The following PSMD7 variants were observed in gnomAD, a reference collection of about 807,000 sequenced individuals.
The protein encoded by PSMD7 is 26S proteasome non-ATPase regulatory subunit 7.
PSMD7 carries 13 observed loss-of-function variants against 36.4 expected under a neutral mutation model. The observed-to-expected ratio is 0.36, with a 90% CI of 0.23 to 0.57. The LOEUF (loss-of-function observed/expected upper bound fraction) is 0.57. Ranked by LOEUF, PSMD7 falls within the 20% of genes least tolerant of loss-of-function variation. The probability of loss-of-function intolerance (pLI) is 0.83; values close to 1 mark genes in which losing one functional copy is unlikely to be tolerated. For synonymous variants in PSMD7, 186 were observed against 151.0 expected, an observed-to-expected ratio of 1.23 and a Z score of -1.70; for missense variants, 298 against 393.6, an observed-to-expected ratio of 0.76 and a Z score of 2.06.
chr16:74,301,552 T>C lies in PSMD7; in HGVS notation c.260-3T>C, dbSNP rs1330269853. The stretch of plus-strand genomic sequence containing the variant: ...AAAGCCTGCTAATTTTTTTCCTTCC[T>C]AGCCAGGGAAAGAATAGTTGGCTGG... On this transcript the variant is annotated splice_region_variant and splice_polypyrimidine_tract_variant and intron_variant, in intron 3 of 6. Coordinates refer to ENST00000219313, the MANE Select transcript of PSMD7 (RefSeq NM_002811.5). The C allele has an allele frequency of 6.2e-7, 1 of 1,608,170 alleles. No individual in the cohort carries two copies. Among genetic ancestry groups the C allele is most frequent in the Admixed American group, 1.7e-5 (1 of 59,520 alleles).
At chr16:74,304,164 C>G (rs2034177457) in intron 5 of PSMD7, 139 bp from the exon 6 acceptor site, 3 of 694,984 alleles carry the variant, frequency 4.3e-6, no homozygotes, top group Non-Finnish European at 7.6e-6. Context: ...TAAGCCTTAC[C>G]CACCCTTGCC....
Position 74,305,319 on chromosome 16 carries a change from G to T in PSMD7, c.561G>T (p.Leu187=). The T allele has an allele frequency of 6.2e-7, 1 of 1,613,358 alleles. No homozygotes were observed. The highest frequency in any genetic ancestry group is 8.5e-7 in the Non-Finnish European group (1 of 1,179,754). The change falls in exon 7 of 7, where the codon CTG becomes CTT. Residue 187 remains leucine (L), a synonymous_variant. Coordinates refer to ENST00000219313, the MANE Select transcript of PSMD7 (RefSeq NM_002811.5). ...RDIKDTTVGT[L]SQRITNQVHG... ...TCAAAGACACGACGGTGGGCACTCT[G>T]TCCCAGCGGATCACAAACCAGGTCC...
intron 2 of PSMD7, chr16:74,300,562 T>C (rs2034147868): frequency 3.3e-6 from 1 of 300,426 alleles, no homozygotes; most frequent in African/African-American, 2.1e-5. Context: ...TTCTTATAGG[T>C]ACAGTAAGGA....
At position 74,297,416 on chromosome 16, in the gene PSMD7, G is replaced by A. The variant is rs552517727; in HGVS notation, c.74+428G>A. On this transcript the variant is annotated intron_variant, in intron 1 of 6. Coordinates refer to ENST00000219313, the MANE Select transcript of PSMD7 (RefSeq NM_002811.5). ...GATAAAGCCAGGGTGGGGCGGAGGC[G>A]GGCTAGCTTCATTTGGCTCTGACCC... Among the ~76,000 whole-genome samples the A allele has an allele frequency of 4.3e-4, 65 of 152,078 alleles. No individual in the cohort carries two copies. The South Asian group carries it at 0.013, about 30-fold the overall frequency.
chr16:74,305,657 G>C lies in PSMD7; in HGVS notation c.899G>C (p.Arg300Thr), dbSNP rs374062620. 8.4e-6 allele frequency: 13 copies of C among 1,548,296 alleles called. No individual in the cohort carries two copies. Among genetic ancestry groups the C allele is most frequent in the Non-Finnish European group, 1.0e-5 (12 of 1,144,352 alleles). The change falls in exon 7 of 7, where the codon AGG becomes ACG. Residue 300 changes from arginine to threonine, a missense_variant. Transcript: ENST00000219313. ...GQEKEESKKD[R>T]KEDKEKDKDK... ...GAGAAAGAAGAGAGCAAAAAGGATA[G>C]GAAAGAGGACAAGGAGAAAGATAAA...
intron 5 of PSMD7, among the ~76,000 whole-genome samples, chr16:74,302,733 C>T (rs779025531): frequency 1.3e-5 from 2 of 152,296 alleles, no homozygotes; most frequent in East Asian, 3.9e-4. Context: ...ACAGTTGAGA[C>T]GCTGTCCCCC....
At chr16:74,298,745 G>T (rs2034133757) in intron 1 of PSMD7, among the ~76,000 whole-genome samples, 2 of 152,086 alleles carry the variant, frequency 1.3e-5, no homozygotes, top group South Asian at 4.1e-4. Flanking sequence ...GTGGTGGTGT[G>T]TGCCTGGAGT....
In PSMD7 at chr16:74,305,750, C is replaced by T. The variant is rs1440423402; in HGVS notation, c.*17C>T. 1 of 1,406,566 alleles carries T rather than the reference C, an allele frequency of 7.1e-7. No individual in the cohort carries two copies. 87.1% of individuals were successfully genotyped at this position (1,406,566 alleles called of 1,614,324 possible). ...AAAAAGTAAAACATGTATTAAATAG[C>T]TTTTTTAATTTGTAAATTAAAATCT... On this transcript the variant is annotated 3_prime_UTR_variant, in exon 7 of 7. Coordinates refer to ENST00000219313, the MANE Select transcript of PSMD7 (RefSeq NM_002811.5).
At chr16:74,300,554 C>A in intron 2 of PSMD7, 2 of 315,910 alleles carry the variant, frequency 6.3e-6, no homozygotes, top group Non-Finnish European at 1.2e-5. Flanking sequence ...AACCACGCTT[C>A]TTATAGGTAC....
At position 74,305,574 on chromosome 16, in the gene PSMD7, G is replaced by A. The variant is rs1312779571; in HGVS notation, c.816G>A (p.Leu272=). 3 of 1,608,376 alleles carry A rather than the reference G, an allele frequency of 1.9e-6. No individual in the cohort carries two copies. Among genetic ancestry groups the A allele is most frequent in the East Asian group, 2.2e-5 (1 of 44,728 alleles). Residue 272 remains leucine (L), a synonymous_variant, in exon 7 of 7, where the codon CTG becomes CTA. Transcript: ENST00000219313. ...CGCTGATCCGTTCCGTGGTCGCCCT[G>A]CACAACCTCATCAACAACAAGATTG... ...LASLIRSVVA[L]HNLINNKIAN...
chr16:74,304,436 A>G, intron 6 of PSMD7, 42 bp downstream of exon 6: 1 of 1,551,956 alleles, frequency 6.4e-7, no homozygotes, highest in Non-Finnish European at 8.9e-7. Context: ...ACTGCCCGAG[A>G]GGTCACACAG....
At position 74,300,188 on chromosome 16, in the gene PSMD7, G is replaced by A. The variant is rs1378525956; in HGVS notation, c.148G>A (p.Val50Ile). 1 of 1,614,072 alleles carries A rather than the reference G, an allele frequency of 6.2e-7. No homozygotes were observed. Among genetic ancestry groups the A allele is most frequent in the East Asian group, 2.2e-5 (1 of 44,886 alleles). ...GTCATGGCAAAAGAAAGTACTTGAT[G>A]TATCGAACAGTTTTGCAGGTAAAAG... is the stretch of plus-strand genomic sequence containing the variant. ...LGSWQKKVLD[V>I]SNSFAVPFDE... Residue 50 changes from valine to isoleucine, a missense_variant, in exon 2 of 7, where the codon GTA (valine) becomes ATA (isoleucine). By Grantham distance (29) the Val-to-Ile change is conservative. Transcript: ENST00000219313.
chr16:74,300,415 C>G (rs2034146579), intron 2 of PSMD7: 1 of 576,834 alleles, frequency 1.7e-6, no homozygotes, highest in South Asian at 2.1e-5. Flanking sequence ...TGCACCTGCT[C>G]CTCTCTGCCA....
Position 74,301,571 on chromosome 16 carries a change from T to A in PSMD7, c.276T>A (p.Val92=), listed in dbSNP as rs760488031. The part of the protein sequence containing the change: ...FKKVNARERI[V]GWYHTGPKLH... ...CCTTCCTAGCCAGGGAAAGAATAGT[T>A]GGCTGGTACCACACAGGCCCTAAAC... is the stretch of plus-strand genomic sequence containing the variant. Residue 92 remains valine, a synonymous_variant, in exon 4 of 7, where the codon GTT becomes GTA. Transcript: ENST00000219313. The A allele has an allele frequency of 2.1e-5, 34 of 1,612,880 alleles. No individual in the cohort carries two copies. The highest frequency in any genetic ancestry group is 2.9e-5 in the Non-Finnish European group (34 of 1,179,226).
At chr16:74,303,651 A>T (rs191543841) in intron 5 of PSMD7, among the ~76,000 whole-genome samples, 1 of 152,274 alleles carries the variant, frequency 6.6e-6, no homozygotes, top group Admixed American at 6.5e-5. Context: ...AAAAAGGGCT[A>T]AAAGTTTTAT....
chr16:74,303,418 C>A (rs1003508173), intron 5 of PSMD7, among the ~76,000 whole-genome samples: 1 of 152,198 alleles, frequency 6.6e-6, no homozygotes, highest in African/African-American at 2.4e-5. Context: ...CTATGCTGTC[C>A]TTCCTCCCTT....
chr16:74,298,286 T>C (rs761968938), intron 1 of PSMD7, among the ~76,000 whole-genome samples: 1 of 151,918 alleles, frequency 6.6e-6, no homozygotes, highest in Non-Finnish European at 1.5e-5. Flanking sequence ...GGCTTTGGAG[T>C]TGTTCATCCT....
intron 5 of PSMD7, 117 bp from the exon 6 acceptor site, chr16:74,304,186 T>C: frequency 1.2e-6 from 1 of 819,446 alleles, no homozygotes; most frequent in Non-Finnish European, 2.0e-6. Context: ...TAGAAAATTC[T>C]CAGTCATGCA....
rs72459246 is a variant in PSMD7, at chr16:74,302,349, C to CT, written c.438+67dup. The stretch of plus-strand genomic sequence containing the variant: ...AGACTGCTACTTATTGGGTGATTAG[C>CT]TTTTTTTTTTCAATTTTCAGGTCAA... On this transcript the variant is annotated intron_variant, in intron 5 of 6. Coordinates refer to ENST00000219313, the MANE Select transcript of PSMD7 (RefSeq NM_002811.5). 11,580 of 1,228,920 alleles carry CT rather than the reference C, an allele frequency of 9.4e-3. 16 individuals carry two copies. Among genetic ancestry groups the CT allele is most frequent in the African/African-American group, 0.026 (1,638 of 64,084 alleles). The allele number at this position is 1,228,920 out of a possible 1,614,324, so 76.1% of individuals were successfully genotyped here.
Sources: allele counts gnomAD v4.1 joint callset (sites outside exome capture counted in the v4.1 genomes callset), GRCh38; gene constraint gnomAD v4.1.1; transcripts MANE v1.5; gene names NCBI Gene and HGNC (gene_info 2026-07-23, HGNC 2026-07-21).